EXTL3: variants seen among roughly 807,000 people sequenced by gnomAD.
EXTL3 encodes exostosin-like 3.
Under a neutral mutation model 69.3 loss-of-function variants are expected in EXTL3, and 27 were observed. The observed-to-expected ratio is 0.39, with a 90% CI of 0.29 to 0.54. The LOEUF (loss-of-function observed/expected upper bound fraction) is 0.54, where lower values mean the gene tolerates loss of function less well. Among genes scored for constraint, EXTL3 ranks in the 20% least tolerant of loss-of-function variants. The pLI is 0.69. For synonymous variants in EXTL3, 511 were observed against 499.4 expected, an observed-to-expected ratio of 1.02 and a Z score of -0.31; for missense variants, 1,003 against 1,231.8, an observed-to-expected ratio of 0.81 and a Z score of 2.78.
chr8:28,741,340 C>A (rs1186309220), intron 5 of EXTL3: 1 of 152,108 alleles, frequency 6.6e-6, no homozygotes. Context: ...TCTTTCAAGA[C>A]GTGTTATGTT....
chr8:28,633,709 G>A (rs1031744923), intron 1 of EXTL3, among the ~76,000 whole-genome samples: 6 of 152,194 alleles, frequency 3.9e-5, no homozygotes, highest in African/African-American at 1.4e-4. Flanking sequence ...GGTTTCCTTG[G>A]AACACATTCA....
intron 1 of EXTL3, among the ~76,000 whole-genome samples, chr8:28,656,220 G>A (rs181009609): frequency 5.1e-4 from 77 of 151,958 alleles, no homozygotes; most frequent in Middle Eastern, 3.4e-3. Context: ...TCCAGTCTGG[G>A]GTGCAGTGGC....
intron 3 of EXTL3, among the ~76,000 whole-genome samples, chr8:28,728,133 G>A (rs541298217): frequency 2.0e-5 from 3 of 152,322 alleles, no homozygotes. Flanking sequence ...TGTTGAGGGA[G>A]TTTGTGAACA....
At position 28,751,145 on chromosome 8, in the gene EXTL3, G is replaced by A. The variant is rs1487980399; in HGVS notation, c.*279G>A. 2.5e-5 allele frequency: 12 copies of A among 484,376 alleles called. No individual in the cohort carries two copies. The highest frequency in any genetic ancestry group is 5.6e-4 in the Middle Eastern group (1 of 1,798). 30.0% of individuals were successfully genotyped at this position (484,376 alleles called of 1,614,324 possible). A position where few individuals can be genotyped will look rare whatever the true frequency, so the allele number is the denominator to read the frequency against. ...GCGACTCTGCAGAGTCACTCACACCGTTCGTACGCCCAGGACAGCTGGTTC... is the reference window on the plus strand; with the variant it reads ...GCGACTCTGCAGAGTCACTCACACCATTCGTACGCCCAGGACAGCTGGTTC... On this transcript the variant is annotated 3_prime_UTR_variant, in exon 7 of 7. Coordinates refer to ENST00000220562, the MANE Select transcript of EXTL3 (RefSeq NM_001440.4).
intron 4 of EXTL3, among the ~76,000 whole-genome samples, chr8:28,734,499 G>C (rs1249791326): frequency 6.6e-6 from 1 of 152,188 alleles, no homozygotes; most frequent in Non-Finnish European, 1.5e-5. Flanking sequence ...ATCACCTGAG[G>C]TCAGGAGTTT....
chr8:28,754,663 C>T lies in EXTL3; in HGVS notation c.*3797C>T, dbSNP rs543199108. The T allele has an allele frequency of 6.6e-6, 1 of 152,320 alleles. No homozygotes were observed. Among genetic ancestry groups the T allele is most frequent in the South Asian group, 2.1e-4 (1 of 4,816 alleles). The allele number at this position is 152,320 out of a possible 1,614,324, so 9.4% of individuals were successfully genotyped here. Reference sequence around the variant, plus strand: ...ATATGATGTCTGCTTTGAGTCTATACCTGTCGAGTTGTGTCTTGGACTTAC... The same window carrying T: ...ATATGATGTCTGCTTTGAGTCTATATCTGTCGAGTTGTGTCTTGGACTTAC... On this transcript the variant is annotated 3_prime_UTR_variant, in exon 7 of 7. Coordinates refer to ENST00000220562, the MANE Select transcript of EXTL3 (RefSeq NM_001440.4).
In EXTL3 at chr8:28,717,075, G is replaced by A. The variant is rs755764576; in HGVS notation, c.1016G>A (p.Arg339Gln). Residue 339 changes from arginine (R) to glutamine (Q), a missense_variant, in exon 3 of 7, where the codon CGG becomes CAG. Physicochemically the swap from Arg to Gln is conservative, Grantham distance 43. Coordinates refer to ENST00000220562, the MANE Select transcript of EXTL3 (RefSeq NM_001440.4). This position sits in a 1 kb window ranked among gnomAD's most constrained non-coding sequence, Gnocchi z 8.3. ...ATCCCACCACAGGTGCCGGTGAAGC[G>A]GAAATATCTCTTCACCTTCCAGGGC... ...MEIPPQVPVK[R>Q]KYLFTFQGEK... The A allele has an allele frequency of 3.1e-6, 5 of 1,614,078 alleles. No homozygotes were observed. The highest frequency in any genetic ancestry group is 1.3e-5 in the African/African-American group (1 of 74,940).
chr8:28,701,094 A>T (rs552680025), upstream of EXTL3: 1 of 152,338 alleles, frequency 6.6e-6, no homozygotes, highest in South Asian at 2.1e-4. Flanking sequence ...CCGTCCTTGG[A>T]GGCCTTTTCT....
intron 3 of EXTL3, among the ~76,000 whole-genome samples, chr8:28,722,038 G>A (rs1268647571): frequency 6.6e-6 from 1 of 152,174 alleles, no homozygotes; most frequent in African/African-American, 2.4e-5. Flanking sequence ...ATTGACGCAG[G>A]GTGCCTTGGA....
At chr8:28,699,509 TTTG>T (rs1026856837), upstream of EXTL3, 2 of 152,394 alleles carry the variant, frequency 1.3e-5, no homozygotes, top group Non-Finnish European at 1.5e-5. Context: ...TCATAATCTT[TTTG>T]TTGTTGTTGT....
intron 2 of EXTL3, among the ~76,000 whole-genome samples, chr8:28,616,718 A>T (rs1040304702): frequency 6.6e-6 from 1 of 152,008 alleles, no homozygotes; most frequent in African/African-American, 2.4e-5. Flanking sequence ...TCTCTAAGTG[A>T]ATTCAGTTAA....
rs749621890 is a variant in EXTL3, at chr8:28,717,012, C to T, written c.953C>T (p.Pro318Leu). ...YRPGFDLVVS[P>L]LVHAMSEPNF... ...CCTGGCTTTGACTTGGTCGTATCAC[C>T]GCTGGTCCATGCCATGTCTGAGCCC... is the stretch of plus-strand genomic sequence containing the variant. The change falls in exon 3 of 7, where the codon CCG becomes CTG. Residue 318 changes from proline to leucine, a missense_variant. Physicochemically the swap from Pro to Leu is moderately conservative, Grantham distance 98. Coordinates refer to ENST00000220562, the MANE Select transcript of EXTL3 (RefSeq NM_001440.4). This position sits in a 1 kb window ranked among gnomAD's most constrained non-coding sequence, Gnocchi z 8.3. 8.7e-6 allele frequency: 14 copies of T among 1,614,144 alleles called. No individual in the cohort carries two copies. The highest frequency in any genetic ancestry group is 1.3e-5 in the African/African-American group (1 of 74,948).
Position 28,710,063 on chromosome 8 carries a change from A to G in EXTL3, c.-569-3394A>G, listed in dbSNP as rs576357715. Among the ~76,000 whole-genome samples the G allele has an allele frequency of 6.4e-4, 98 of 152,336 alleles. 1 individual carries two copies. Among genetic ancestry groups the G allele is most frequent in the Admixed American group, 2.0e-3 (30 of 15,300 alleles). On this transcript the variant is annotated intron_variant, in intron 1 of 6. Transcript: ENST00000220562. The stretch of plus-strand genomic sequence containing the variant: ...ATTAGGGAAAAGAGTAAAAGGTAGA[A>G]TGCTGGCCACAATCTGAATGATAAA...
At chr8:28,643,672 C>A (rs537093110) in intron 1 of EXTL3, among the ~76,000 whole-genome samples, 1 of 152,214 alleles carries the variant, frequency 6.6e-6, no homozygotes, top group South Asian at 2.1e-4. Flanking sequence ...CCAGCCTCAG[C>A]CTCCCAAAGT....
At chr8:28,649,258 G>A (rs981463639) in intron 1 of EXTL3, among the ~76,000 whole-genome samples, 3 of 152,144 alleles carry the variant, frequency 2.0e-5, no homozygotes, top group Admixed American at 6.5e-5. Context: ...TTCCTCTAGG[G>A]TATTTATCTA....
upstream of EXTL3, among the ~76,000 whole-genome samples, chr8:28,618,857 G>T (rs1165640179): frequency 6.6e-6 from 1 of 151,768 alleles, no homozygotes; most frequent in African/African-American, 2.4e-5. Context: ...GGCTGAGGCT[G>T]GTGGATCACG....
rs1476687943 is a variant in EXTL3, at chr8:28,646,334, C to T, written c.-53+23524C>T. On this transcript the variant is annotated intron_variant, in intron 1 of 6. Coordinates refer to the EXTL3 transcript ENST00000523149. ...TTTCTTGCGTTGATAACACTTTTTC[C>T]ACAGCTGCAGTGGGTTCCGAATCCA... 3.3e-5 allele frequency among the ~76,000 whole-genome samples: 5 copies of T among 152,236 alleles called. No homozygotes were observed. In the East Asian group the frequency reaches 9.7e-4, roughly 29 times the overall value.
At chr8:28,640,504 T>A (rs1806725530) in intron 1 of EXTL3, among the ~76,000 whole-genome samples, 1 of 152,230 alleles carries the variant, frequency 6.6e-6, no homozygotes, top group African/African-American at 2.4e-5. Context: ...TATTTATGGT[T>A]GCATAATTAG....
rs1801316508 is a variant in EXTL3, at chr8:28,722,591, C to T, written c.2148+4384C>T. Reference sequence around the variant, plus strand: ...AGGGGTTTGAGACCAGCCTGGGCAACATAGGGAGACCCCATCTCTACAAAA... The same window carrying T: ...AGGGGTTTGAGACCAGCCTGGGCAATATAGGGAGACCCCATCTCTACAAAA... On this transcript the variant is annotated intron_variant, in intron 3 of 6. Transcript: ENST00000220562. Among the ~76,000 whole-genome samples, 6 of 151,788 alleles carry T rather than the reference C, an allele frequency of 4.0e-5. No homozygotes were observed. The South Asian group carries it at 1.3e-3, about 32-fold the overall frequency.
Sources: gnomAD v4.1 joint callset for allele counts (sites outside exome capture counted in the v4.1 genomes callset) on GRCh38, gnomAD v4.1.1 for gene constraint, Gnocchi (gnomAD v3.1) non-coding constraint, MANE v1.5 for transcripts, NCBI Gene and HGNC (gene_info 2026-07-23, HGNC 2026-07-21) for gene names.